The following MCPH1 variants were observed in gnomAD, a reference collection of about 807,000 sequenced individuals.
MCPH1 encodes microcephalin 1.
Under a neutral mutation model 84.5 loss-of-function variants are expected in MCPH1, and 104 were observed. The ratio of observed to expected loss-of-function variants is 1.23; its 90% CI spans 1.05 to 1.45. The LOEUF (loss-of-function observed/expected upper bound fraction) is 1.45, where lower values mean the gene tolerates loss of function less well. Among genes scored for constraint, MCPH1 ranks in the 40% most tolerant of loss-of-function variants. MCPH1 has a pLI of 0.00. For missense variants in MCPH1, 1,498 were observed against 1,005.7 expected (o/e 1.49, Z -6.62); for synonymous variants, 514 against 366.8 (o/e 1.40, Z -4.58).
chr8:6,549,513 C>G (rs756558715), intron 12 of MCPH1, among the ~76,000 whole-genome samples: 3 of 152,130 alleles, frequency 2.0e-5, no homozygotes, highest in Non-Finnish European at 4.4e-5. Flanking sequence ...GTATCTTGAG[C>G]TGGGCAGTCA....
intron 13 of MCPH1, chr8:6,627,352 C>T: frequency 1.1e-6 from 1 of 916,764 alleles, no homozygotes; most frequent in Non-Finnish European, 1.3e-6. Flanking sequence ...CGGGGACTGC[C>T]CCCTTCCAGC....
rs1029824844 is a variant in MCPH1, at chr8:6,640,121, C to T, written c.2453-2873C>T. On this transcript the variant is annotated intron_variant, in intron 13 of 13. Coordinates refer to ENST00000344683, the MANE Select transcript of MCPH1 (RefSeq NM_024596.5). ...GTGCGCGCGCGTGTGTGTGTGTGTGCGTGTGTGTGTGTGTTTTCTAACTGA... is the reference window on the plus strand; with the variant it reads ...GTGCGCGCGCGTGTGTGTGTGTGTGTGTGTGTGTGTGTGTTTTCTAACTGA... Among the ~76,000 whole-genome samples, 388 of 122,132 alleles carry T rather than the reference C, an allele frequency of 3.2e-3. 1 individual carries two copies. The highest frequency in any genetic ancestry group is 9.8e-3 in the African/African-American group (327 of 33,216). The allele number at this position is 122,132 out of a possible 152,430, so 80.1% of individuals were successfully genotyped here.
intron 12 of MCPH1, among the ~76,000 whole-genome samples, chr8:6,509,670 C>T (rs969748641): frequency 1.3e-5 from 2 of 152,188 alleles, no homozygotes; most frequent in Non-Finnish European, 1.5e-5. Context: ...TACAGACGAT[C>T]CCTGACTTCC....
At chr8:6,558,981 G>C (rs1345826675) in intron 12 of MCPH1, among the ~76,000 whole-genome samples, 1 of 151,928 alleles carries the variant, frequency 6.6e-6, no homozygotes, top group Non-Finnish European at 1.5e-5. Context: ...TAGTGAAACT[G>C]TCTCTTCTAC....
intron 1 of MCPH1, 41 bp from the exon 2 acceptor site, chr8:6,409,238 G>T (rs566118148): frequency 2.0e-6 from 3 of 1,518,274 alleles, no homozygotes; most frequent in Admixed American, 3.3e-5. Context: ...GGGGATGCTG[G>T]AATTTCAAAT....
intron 12 of MCPH1, among the ~76,000 whole-genome samples, chr8:6,576,164 G>C (rs2922847): frequency 0.12 from 17,600 of 152,104 alleles, 1,266 homozygotes; most frequent in African/African-American, 0.2. Flanking sequence ...ACCTCAGGAG[G>C]GGGTGAAAAA....
intron 1 of MCPH1, chr8:6,407,027 C>G: frequency 2.7e-6 from 1 of 369,352 alleles, no homozygotes; most frequent in Non-Finnish European, 5.0e-6. Context: ...CAATCCCCCG[C>G]TGCCTGCTCC....
intron 9 of MCPH1, among the ~76,000 whole-genome samples, chr8:6,457,987 C>A (rs117675190): frequency 6.6e-6 from 1 of 152,082 alleles, no homozygotes; most frequent in African/African-American, 2.4e-5. Context: ...ATGGGGTGCA[C>A]CCTGGCCACT....
intron 8 of MCPH1, among the ~76,000 whole-genome samples, chr8:6,450,141 G>C (rs1804928387): frequency 6.6e-6 from 1 of 152,036 alleles, no homozygotes; most frequent in African/African-American, 2.4e-5. Context: ...CAACTACCAG[G>C]GTCTTGTTCA....
intron 12 of MCPH1, among the ~76,000 whole-genome samples, chr8:6,533,701 T>C (rs910737666): frequency 2.6e-5 from 4 of 152,070 alleles, no homozygotes; most frequent in Admixed American, 6.5e-5. Context: ...CAAACATTGT[T>C]TATTACATTG....
chr8:6,562,846 C>A (rs767741751), intron 12 of MCPH1: 1 of 1,613,834 alleles, frequency 6.2e-7, no homozygotes, highest in Non-Finnish European at 8.5e-7. Flanking sequence ...TTGCTTCTTT[C>A]CTATGCTGTC....
At chr8:6,627,966 G>T (rs1796870032) in intron 13 of MCPH1, among the ~76,000 whole-genome samples, 1 of 152,018 alleles carries the variant, frequency 6.6e-6, no homozygotes, top group South Asian at 2.1e-4. Context: ...CTAACTGCTA[G>T]CTCCTAAAAC....
intron 3 of MCPH1, among the ~76,000 whole-genome samples, chr8:6,428,526 C>G (rs907856540): frequency 6.6e-6 from 1 of 152,244 alleles, no homozygotes; most frequent in African/African-American, 2.4e-5. Flanking sequence ...CCCCTATTCT[C>G]CCGCCAGCCA....
intron 9 of MCPH1, chr8:6,473,801 G>T: frequency 9.1e-7 from 1 of 1,096,978 alleles, no homozygotes; most frequent in Non-Finnish European, 1.3e-6. Flanking sequence ...TCAGCAGAGA[G>T]ATATCAGCAA....
At chr8:6,591,394 G>A (rs545590442) in intron 12 of MCPH1, among the ~76,000 whole-genome samples, 1 of 152,332 alleles carries the variant, frequency 6.6e-6, no homozygotes, top group Non-Finnish European at 1.5e-5. Context: ...CGAATGTTGA[G>A]TGATAAGCCC....
chr8:6,608,578 G>A (rs1218544555), intron 12 of MCPH1, among the ~76,000 whole-genome samples: 1 of 152,144 alleles, frequency 6.6e-6, no homozygotes, highest in Non-Finnish European at 1.5e-5. Flanking sequence ...TTAGAGATAT[G>A]GACCCGCTTG....
chr8:6,559,460 C>T (rs1178998482), intron 12 of MCPH1, among the ~76,000 whole-genome samples: 4 of 152,100 alleles, frequency 2.6e-5, no homozygotes, highest in Non-Finnish European at 4.4e-5. Context: ...AAAAGGATTG[C>T]AATTCACATT....
intron 12 of MCPH1, among the ~76,000 whole-genome samples, chr8:6,595,536 G>A (rs1828854161): frequency 6.6e-6 from 1 of 152,260 alleles, no homozygotes. Flanking sequence ...CAGCAGCACA[G>A]TCGGGATGAA....
intron 12 of MCPH1, among the ~76,000 whole-genome samples, chr8:6,515,009 G>A (rs192562416): frequency 3.0e-4 from 45 of 152,278 alleles, no homozygotes; most frequent in Admixed American, 2.2e-3. Context: ...AATATAAAGT[G>A]TTGATGAGAA....
Sources: gnomAD v4.1 joint callset for allele counts (sites outside exome capture counted in the v4.1 genomes callset) on GRCh38, gnomAD v4.1.1 for gene constraint, MANE v1.5 for transcripts, NCBI Gene and HGNC (gene_info 2026-07-23, HGNC 2026-07-21) for gene names.